NOTCH2NLR: variants seen among roughly 807,000 people sequenced by gnomAD.
NOTCH2NLR encodes the protein notch 2 N-terminal like R.
Under a neutral mutation model 35.6 loss-of-function variants are expected in NOTCH2NLR, and 33 were observed. The ratio of observed to expected loss-of-function variants is 0.93; its 90% CI spans 0.70 to 1.24. The LOEUF (loss-of-function observed/expected upper bound fraction) is 1.24, where lower values mean the gene tolerates loss of function less well. Ranked by LOEUF, NOTCH2NLR falls within the 50% of genes most tolerant of loss-of-function variation. NOTCH2NLR has a pLI of 0.00. For missense variants in NOTCH2NLR, 276 were observed against 362.2 expected (o/e 0.76, Z 1.93); for synonymous variants, 103 against 141.0 (o/e 0.73, Z 1.91).
intron 1 of NOTCH2NLR, among the ~76,000 whole-genome samples, chr1:120,729,602 A>G (rs1452776510): frequency 8.4e-6 from 1 of 118,742 alleles, no homozygotes; most frequent in Non-Finnish European, 1.7e-5. Context: ...AGTGAGGAGC[A>G]TGTCTGGGGT....
At position 120,790,064 on chromosome 1, in the gene NOTCH2NLR, T is replaced by C. The variant is rs1395661064; in HGVS notation, c.416-3097T>C. The stretch of plus-strand genomic sequence containing the variant: ...TGGAGTATTGCTTTGTCATCCAGGC[T>C]GGAGTGCAGGGCGCAATCTCGGTTC... On this transcript the variant is annotated intron_variant, in intron 3 of 4. Coordinates refer to ENST00000624419, the Ensembl canonical transcript of NOTCH2NLR. Among the ~76,000 whole-genome samples the C allele has an allele frequency of 5.0e-5, 4 of 79,726 alleles. 1 individual carries two copies. Among genetic ancestry groups the C allele is most frequent in the Non-Finnish European group, 8.7e-5 (4 of 46,004 alleles). The allele number at this position is 79,726 out of a possible 152,430, so 52.3% of individuals were successfully genotyped here.
chr1:120,752,519 A>AATATATATATATATAT (rs1204399606), intron 1 of NOTCH2NLR, among the ~76,000 whole-genome samples: 11 of 14,658 alleles, frequency 7.5e-4, no homozygotes, highest in African/African-American at 9.3e-4. Flanking sequence ...GAAGTTCAGG[A>AATATATATATATATAT]ATATATATAT....
Position 120,763,711 on chromosome 1 carries a change from T to C in NOTCH2NLR, c.155+2T>C. ...CCACAGTGGCACAGGATACTGCAAGTAAGTTTTTCTCTTCATATATTTTCT... is the reference window on the plus strand; with the variant it reads ...CCACAGTGGCACAGGATACTGCAAGCAAGTTTTTCTCTTCATATATTTTCT... On this transcript the variant is annotated splice_donor_variant, in intron 2 of 4. Coordinates refer to ENST00000624419, the Ensembl canonical transcript of NOTCH2NLR. LOFTEE classifies it high-confidence loss of function. The C allele has an allele frequency of 7.8e-7, 1 of 1,286,996 alleles. No homozygotes were observed. The highest frequency in any genetic ancestry group is 1.1e-6 in the Non-Finnish European group (1 of 940,098). 79.7% of individuals were successfully genotyped at this position (1,286,996 alleles called of 1,614,324 possible).
chr1:120,765,860 C>G (rs1468609337), intron 2 of NOTCH2NLR, among the ~76,000 whole-genome samples: 2 of 121,056 alleles, frequency 1.7e-5, no homozygotes, highest in Non-Finnish European at 3.3e-5. Context: ...AGCCATCATT[C>G]TCAGCAAACT....
intron 1 of NOTCH2NLR, among the ~76,000 whole-genome samples, chr1:120,759,267 C>CTTTTTTT (rs1169932555): frequency 1.2e-4 from 4 of 33,318 alleles, no homozygotes; most frequent in Admixed American, 3.2e-4. Flanking sequence ...CTTCTTTTTG[C>CTTTTTTT]TTTTTTTTTT....
At position 120,790,484 on chromosome 1, in the gene NOTCH2NLR, A is replaced by T. The variant is rs1377822219; in HGVS notation, c.416-2677A>T. ...AGGCAGCAAGTTAGTGCCTATACAT[A>T]ATATATATGGAAACCAAATTCAGGG... On this transcript the variant is annotated intron_variant, in intron 3 of 4. Coordinates refer to ENST00000624419, the Ensembl canonical transcript of NOTCH2NLR. Among the ~76,000 whole-genome samples the T allele has an allele frequency of 7.8e-5, 9 of 115,686 alleles. 2 individuals are homozygous for T. Among genetic ancestry groups the T allele is most frequent in the Admixed American group, 1.6e-4 (2 of 12,222 alleles). 75.9% of individuals were successfully genotyped at this position (115,686 alleles called of 152,430 possible).
chr1:120,765,737 C>T (rs1651184012), intron 2 of NOTCH2NLR, among the ~76,000 whole-genome samples: 1 of 119,078 alleles, frequency 8.4e-6, no homozygotes, highest in South Asian at 2.5e-4. Context: ...ACCCAAATGC[C>T]CAACGGTGAT....
At position 120,779,509 on chromosome 1, in the gene NOTCH2NLR, G is replaced by A. The variant is rs1225988587; in HGVS notation, c.156-5465G>A. Among the ~76,000 whole-genome samples the A allele has an allele frequency of 1.7e-5, 2 of 119,022 alleles. 1 individual carries two copies. Among genetic ancestry groups the A allele is most frequent in the African/African-American group, 7.8e-5 (2 of 25,564 alleles). 78.1% of individuals were successfully genotyped at this position (119,022 alleles called of 152,430 possible). A position where few individuals can be genotyped will look rare whatever the true frequency, so the allele number is the denominator to read the frequency against. ...TAAGTAAAAGTCACTGAGAGACATT[G>A]AAGAGACAGTTATGAAAATAATTAA... On this transcript the variant is annotated intron_variant, in intron 2 of 4. Transcript: ENST00000624419.
In NOTCH2NLR at chr1:120,767,685, A is replaced by T. The variant is rs1181400036; in HGVS notation, c.155+3976A>T. On this transcript the variant is annotated intron_variant, in intron 2 of 4. Transcript: ENST00000624419. ...TTATTCTTTCCCTTGTCCTACTGGGAGGTGTAAATATGTAATTAAATTTGA... is the reference window on the plus strand; with the variant it reads ...TTATTCTTTCCCTTGTCCTACTGGGTGGTGTAAATATGTAATTAAATTTGA... 5.5e-5 allele frequency among the ~76,000 whole-genome samples: 6 copies of T among 109,458 alleles called. 2 individuals carry two copies. Among genetic ancestry groups the T allele is most frequent in the Admixed American group, 5.4e-4 (6 of 11,196 alleles). The allele number at this position is 109,458 out of a possible 152,430, so 71.8% of individuals were successfully genotyped here.
chr1:120,767,828 G>A (rs1248846990), intron 2 of NOTCH2NLR, among the ~76,000 whole-genome samples: 1 of 110,804 alleles, frequency 9.0e-6, no homozygotes, highest in Non-Finnish European at 1.7e-5. Context: ...CTGGGGGTAG[G>A]TTAGGTTATG....
At position 120,779,999 on chromosome 1, in the gene NOTCH2NLR, T is replaced by G. The variant is rs1359534518; in HGVS notation, c.156-4975T>G. Among the ~76,000 whole-genome samples, 21 of 131,740 alleles carry G rather than the reference T, an allele frequency of 1.6e-4. 1 individual carries two copies. Among genetic ancestry groups the G allele is most frequent in the Non-Finnish European group, 2.6e-4 (16 of 62,178 alleles). 86.4% of individuals were successfully genotyped at this position (131,740 alleles called of 152,430 possible). A position where few individuals can be genotyped will look rare whatever the true frequency, so the allele number is the denominator to read the frequency against. ...GGATAATTCTGTACCTCAGGATGAC[T>G]ATTAGGTTGATTTGGCCTGTTATTC... On this transcript the variant is annotated intron_variant, in intron 2 of 4. Transcript: ENST00000624419.
Position 120,764,256 on chromosome 1 carries a change from T to TA in NOTCH2NLR, c.155+555dup, listed in dbSNP as rs1209928932. On this transcript the variant is annotated intron_variant, in intron 2 of 4. Transcript: ENST00000624419. ...AGCAAGACTCCGTCTCAAAAAGAAA[T>TA]AAAAAAAATATATAAAAAAATATAT... Among the ~76,000 whole-genome samples the TA allele has an allele frequency of 4.6e-4, 50 of 109,702 alleles. 9 individuals carry two copies. The highest frequency in any genetic ancestry group is 6.9e-4 in the Non-Finnish European group (40 of 58,276). 72.0% of individuals were successfully genotyped at this position (109,702 alleles called of 152,430 possible).
At chr1:120,794,243 G>C (rs1483400217), downstream of NOTCH2NLR, among the ~76,000 whole-genome samples, 2 of 113,282 alleles carry the variant, frequency 1.8e-5, 1 homozygote, top group African/African-American at 1.1e-4. Flanking sequence ...GAGCAGTGTC[G>C]GGGAGCTTGG....
chr1:120,775,804 C>CTG (rs1651299883), intron 2 of NOTCH2NLR, among the ~76,000 whole-genome samples: 1 of 77,846 alleles, frequency 1.3e-5, no homozygotes, highest in African/African-American at 1.1e-4. Flanking sequence ...GGAATGAGGA[C>CTG]TGTGTGTGTG....
At chr1:120,792,497 G>C (rs1651502584) in intron 3 of NOTCH2NLR, among the ~76,000 whole-genome samples, 1 of 106,638 alleles carries the variant, frequency 9.4e-6, no homozygotes, top group Non-Finnish European at 1.8e-5. Context: ...GAAAACAGAA[G>C]GGAAGTTGAT....
At position 120,743,746 on chromosome 1, in the gene NOTCH2NLR, C is replaced by T. The variant is rs1442613790; in HGVS notation, c.73+19496C>T. ...ACTAATGTAGAGTTTGAAAAAACACCGTAAGCCTGCATTCCAGAAGTTCTG... is the reference window on the plus strand; with the variant it reads ...ACTAATGTAGAGTTTGAAAAAACACTGTAAGCCTGCATTCCAGAAGTTCTG... On this transcript the variant is annotated intron_variant, in intron 1 of 4. Transcript: ENST00000624419. Among the ~76,000 whole-genome samples, 3 of 119,534 alleles carry T rather than the reference C, an allele frequency of 2.5e-5. 1 individual carries two copies. The highest frequency in any genetic ancestry group is 4.5e-4 in the East Asian group (2 of 4,480). 78.4% of individuals were successfully genotyped at this position (119,534 alleles called of 152,430 possible).
rs1245251223 is a variant in NOTCH2NLR, at chr1:120,778,339, G to T, written c.156-6635G>T. Among the ~76,000 whole-genome samples the T allele has an allele frequency of 4.4e-5, 4 of 91,374 alleles. 1 individual carries two copies. Among genetic ancestry groups the T allele is most frequent in the Non-Finnish European group, 3.9e-5 (2 of 51,492 alleles). The allele number at this position is 91,374 out of a possible 152,430, so 59.9% of individuals were successfully genotyped here. Reference sequence around the variant, plus strand: ...GAGGCCCAGCGCAAGAAGAAAGTGGGTTGAAAGCAGAGTTCTGTTCAAAGA... The same window carrying T: ...GAGGCCCAGCGCAAGAAGAAAGTGGTTTGAAAGCAGAGTTCTGTTCAAAGA... On this transcript the variant is annotated intron_variant, in intron 2 of 4. Coordinates refer to ENST00000624419, the Ensembl canonical transcript of NOTCH2NLR.
chr1:120,760,274 G>T (rs1391960624), intron 1 of NOTCH2NLR, among the ~76,000 whole-genome samples: 1 of 71,764 alleles, frequency 1.4e-5, no homozygotes. Context: ...TGCAACCTCC[G>T]CCCCCCAGGT....
Position 120,793,818 on chromosome 1 carries a change from T to C in NOTCH2NLR, c.823T>C (p.Ter275ArgextTer16). The stretch of plus-strand genomic sequence containing the variant: ...AAGTCTGGAATGGAAAAGAACACGA[T>C]GAGAATTAGACACTGGAAAATATGT... Residue 275 changes from the stop codon to arginine, a stop_lost, in exon 5 of 5, where the codon TGA becomes CGA. Coordinates refer to ENST00000624419, the Ensembl canonical transcript of NOTCH2NLR. The C allele has an allele frequency of 2.1e-6, 2 of 933,384 alleles. 1 individual carries two copies. Among genetic ancestry groups the C allele is most frequent in the East Asian group, 5.0e-5 (2 of 39,908 alleles). 57.8% of individuals were successfully genotyped at this position (933,384 alleles called of 1,614,324 possible). A position where few individuals can be genotyped will look rare whatever the true frequency, so the allele number is the denominator to read the frequency against.
Sources: gnomAD v4.1 joint callset for allele counts (sites outside exome capture counted in the v4.1 genomes callset) on GRCh38, gnomAD v4.1.1 for gene constraint, MANE v1.5 for transcripts, NCBI Gene and HGNC (gene_info 2026-07-23, HGNC 2026-07-21) for gene names.